The following TMEM132B variants were observed in gnomAD, a reference collection of about 807,000 sequenced individuals.
The protein encoded by TMEM132B is transmembrane protein 132B.
TMEM132B carries 18 observed loss-of-function variants against 90.8 expected under a neutral mutation model. The observed-to-expected ratio is 0.20, with a 90% CI of 0.14 to 0.29. The LOEUF (loss-of-function observed/expected upper bound fraction) is 0.29, where lower values mean the gene tolerates loss of function less well. TMEM132B is among the 10% of genes least tolerant of loss of function. The pLI is 1.00. For missense variants in TMEM132B, 1,096 were observed against 1,326.8 expected (o/e 0.83, Z 2.70); for synonymous variants, 504 against 523.3 (o/e 0.96, Z 0.50).
Position 125,368,007 on chromosome 12 carries a change from A to G in TMEM132B, c.959+17664A>G, listed in dbSNP as rs552839093. 2.3e-3 allele frequency among the ~76,000 whole-genome samples: 346 copies of G among 152,064 alleles called. 2 individuals carry two copies. Among genetic ancestry groups the G allele is most frequent in the African/African-American group, 7.8e-3 (323 of 41,508 alleles). On this transcript the variant is annotated intron_variant, in intron 2 of 8. Transcript: ENST00000682704. ...TGGCTTTTTAGCTATATCTCTTTGCATGTTTAAGTGATTGCTCTAGGGATC... is the reference window on the plus strand; with the variant it reads ...TGGCTTTTTAGCTATATCTCTTTGCGTGTTTAAGTGATTGCTCTAGGGATC...
At chr12:125,600,920 A>G (rs540052778) in intron 5 of TMEM132B, among the ~76,000 whole-genome samples, 50 of 152,318 alleles carry the variant, frequency 3.3e-4, no homozygotes, top group African/African-American at 1.1e-3. Context: ...AGAGCTAACT[A>G]TCCTAAATAT....
chr12:125,597,605 G>A (rs1157336433), intron 5 of TMEM132B, among the ~76,000 whole-genome samples: 2 of 152,102 alleles, frequency 1.3e-5, no homozygotes, highest in Admixed American at 1.3e-4. Flanking sequence ...ATTCATGAGT[G>A]ATTTTTTCAT....
intron 4 of TMEM132B, among the ~76,000 whole-genome samples, chr12:125,583,618 TG>T (rs1885108729): frequency 6.6e-6 from 1 of 152,118 alleles, no homozygotes; most frequent in Non-Finnish European, 1.5e-5. Context: ...ACCCTGCACC[TG>T]GGGACTGGGA....
intron 3 of TMEM132B, among the ~76,000 whole-genome samples, chr12:125,429,448 C>T (rs1001388141): frequency 7.2e-5 from 11 of 152,024 alleles, no homozygotes; most frequent in African/African-American, 2.2e-4. Context: ...TCAGGTGATC[C>T]GCCTGCCTTG....
At chr12:125,481,796 A>T (rs1485499965) in intron 3 of TMEM132B, among the ~76,000 whole-genome samples, 1 of 152,138 alleles carries the variant, frequency 6.6e-6, no homozygotes, top group Non-Finnish European at 1.5e-5. Context: ...CAGAGCCAAG[A>T]CAATCCTAAG....
intron 2 of TMEM132B, among the ~76,000 whole-genome samples, chr12:125,394,355 G>A (rs987415797): frequency 1.3e-5 from 2 of 152,204 alleles, no homozygotes; most frequent in Non-Finnish European, 2.9e-5. Context: ...GAGCGTTAAG[G>A]TGGGCAGCGA....
intron 1 of TMEM132B, among the ~76,000 whole-genome samples, chr12:125,254,434 G>A (rs1359422111): frequency 6.6e-6 from 1 of 152,204 alleles, no homozygotes; most frequent in African/African-American, 2.4e-5. Context: ...TTAGACTGCA[G>A]ACTTCAGGAA....
chr12:125,439,220 G>T (rs10773163), intron 3 of TMEM132B, among the ~76,000 whole-genome samples: 83,280 of 151,716 alleles, frequency 0.55, 24,359 homozygotes, highest in African/African-American at 0.77. Context: ...TTGATAGGAA[G>T]AGCATTGAAT....
chr12:125,621,248 A>T (rs1022649581), intron 5 of TMEM132B, among the ~76,000 whole-genome samples: 1 of 152,140 alleles, frequency 6.6e-6, no homozygotes, highest in Non-Finnish European at 1.5e-5. Flanking sequence ...GGAAGACTTT[A>T]TGGAGAAGGT....
chr12:125,493,181 G>A (rs1039376966), intron 3 of TMEM132B, among the ~76,000 whole-genome samples: 14 of 152,198 alleles, frequency 9.2e-5, no homozygotes, highest in African/African-American at 2.7e-4. Flanking sequence ...CTGGAGCCAT[G>A]GCCAGACTGC....
intron 1 of TMEM132B, among the ~76,000 whole-genome samples, chr12:125,233,039 T>C (rs569279845): frequency 3.3e-4 from 50 of 152,294 alleles, no homozygotes; most frequent in Admixed American, 9.8e-4. Flanking sequence ...GGCCTGTATA[T>C]GTGTCTCTGA....
In TMEM132B at chr12:125,644,177, C is replaced by T. The variant is rs770207028; in HGVS notation, c.1539C>T (p.Phe513=). 9.9e-6 allele frequency: 16 copies of T among 1,614,100 alleles called. No individual in the cohort carries two copies. In the East Asian group the frequency reaches 1.6e-4, roughly 16 times the overall value. Residue 513 remains phenylalanine (F), a synonymous_variant, in exon 6 of 9, where the codon TTC becomes TTT. Coordinates refer to ENST00000682704, the MANE Select transcript of TMEM132B (RefSeq NM_001366854.1). The part of the protein sequence containing the change: ...NFTHQHFTSQ[F]EVTVWAPRLP... ...CCCACCAGCACTTCACCTCCCAGTT[C>T]GAGGTCACTGTCTGGGCACCCAGGC... is the stretch of plus-strand genomic sequence containing the variant.
Position 125,246,200 on chromosome 12 carries a change from T to C in TMEM132B, c.67+59334T>C, listed in dbSNP as rs932647132. On this transcript the variant is annotated intron_variant, in intron 1 of 8. Transcript: ENST00000682704. The surrounding 1 kb of genome is among the most constrained non-coding windows in gnomAD (Gnocchi z 4.2). ...ATTGACTGGACTGGAGGTCGCTCTGTGCCGAGGAGAATGTCAAGCCTGTTA... is the reference window on the plus strand; with the variant it reads ...ATTGACTGGACTGGAGGTCGCTCTGCGCCGAGGAGAATGTCAAGCCTGTTA... 6.6e-5 allele frequency among the ~76,000 whole-genome samples: 10 copies of C among 152,200 alleles called. No homozygotes were observed. The highest frequency in any genetic ancestry group is 2.4e-4 in the African/African-American group (10 of 41,464).
intron 1 of TMEM132B, among the ~76,000 whole-genome samples, chr12:125,257,232 G>C (rs1260145392): frequency 6.6e-6 from 1 of 152,156 alleles, no homozygotes; most frequent in Non-Finnish European, 1.5e-5. Context: ...CTTGAGCCCA[G>C]GAGTTCAAGG....
intron 5 of TMEM132B, among the ~76,000 whole-genome samples, chr12:125,612,143 T>C (rs1314681136): frequency 6.6e-6 from 1 of 152,166 alleles, no homozygotes; most frequent in Admixed American, 6.5e-5. Flanking sequence ...GACCACTTTA[T>C]CATTAAAAAA....
intron 1 of TMEM132B, among the ~76,000 whole-genome samples, chr12:125,200,958 G>A (rs1418772583): frequency 6.6e-6 from 1 of 152,196 alleles, no homozygotes; most frequent in Non-Finnish European, 1.5e-5. Flanking sequence ...TAGAATAGGA[G>A]CACCGTCTAA....
chr12:125,351,765 C>T (rs559364058), intron 2 of TMEM132B, among the ~76,000 whole-genome samples: 84 of 152,290 alleles, frequency 5.5e-4, no homozygotes, highest in African/African-American at 1.9e-3. Flanking sequence ...GAGGGCACAG[C>T]CTGTGCTGGT....
chr12:125,385,587 G>C (rs1197748762), intron 2 of TMEM132B, among the ~76,000 whole-genome samples: 2 of 152,246 alleles, frequency 1.3e-5, no homozygotes, highest in Non-Finnish European at 2.9e-5. Flanking sequence ...GTTGGACAAA[G>C]ACCTTATGTA....
chr12:125,395,627 C>T (rs764334261), intron 2 of TMEM132B, among the ~76,000 whole-genome samples: 6 of 152,254 alleles, frequency 3.9e-5, no homozygotes, highest in Non-Finnish European at 7.4e-5. Context: ...ATCTGGTCCT[C>T]GGAGTGGTAG....
Sources: allele counts gnomAD v4.1 joint callset (sites outside exome capture counted in the v4.1 genomes callset), GRCh38; gene constraint gnomAD v4.1.1; non-coding constraint Gnocchi (gnomAD v3.1); transcripts MANE v1.5; gene names NCBI Gene and HGNC (gene_info 2026-07-23, HGNC 2026-07-21).